Variants in PRR5L observed in about 807,000 individuals in gnomAD.
PRR5L encodes proline-rich protein 5-like.
Under a neutral mutation model 36.4 loss-of-function variants are expected in PRR5L, and 21 were observed. The observed-to-expected ratio is 0.58, with a 90% CI of 0.41 to 0.83. The LOEUF is 0.83. Among genes scored for constraint, PRR5L ranks in the 40% least tolerant of loss-of-function variants. The pLI, the probability that PRR5L is intolerant of heterozygous loss-of-function variation, is 0.00. For missense variants in PRR5L, 381 were observed against 473.3 expected (o/e 0.80, Z 1.81); for synonymous variants, 188 against 197.0 (o/e 0.95, Z 0.38).
Position 36,408,860 on chromosome 11 carries a change from A to T in PRR5L, c.245+5482A>T, listed in dbSNP as rs575390616. Among the ~76,000 whole-genome samples the T allele has an allele frequency of 1.5e-3, 229 of 152,342 alleles. 1 individual carries two copies. The highest frequency in any genetic ancestry group is 5.3e-3 in the African/African-American group (219 of 41,586). On this transcript the variant is annotated intron_variant, in intron 3 of 8. Coordinates refer to ENST00000530639, the MANE Select transcript of PRR5L (RefSeq NM_001160167.2). ...GAAGAACCTGCTTGCCAATGTTCTT[A>T]TAAGTGCTTTCAGTCTTTGAGTGTT... is the stretch of plus-strand genomic sequence containing the variant.
intron 1 of PRR5L, among the ~76,000 whole-genome samples, chr11:36,392,021 A>G (rs903351247): frequency 2.6e-5 from 4 of 152,192 alleles, no homozygotes; most frequent in Admixed American, 2.0e-4. Context: ...CCGTGAGTTC[A>G]ATCATTTTAA....
chr11:36,432,007 A>C, intron 5 of PRR5L, 97 bp downstream of exon 5: 1 of 1,051,850 alleles, frequency 9.5e-7, no homozygotes. Context: ...GGCAGGCTCC[A>C]AGCGAGTGAT....
At chr11:36,370,888 A>C (rs1210166310) in intron 1 of PRR5L, among the ~76,000 whole-genome samples, 1 of 151,566 alleles carries the variant, frequency 6.6e-6, no homozygotes, top group African/African-American at 2.4e-5. Flanking sequence ...CTCAAAAAAA[A>C]AAACAAACAA....
chr11:36,320,073 A>T (rs1856598081), intron 1 of PRR5L, among the ~76,000 whole-genome samples: 1 of 152,172 alleles, frequency 6.6e-6, no homozygotes, highest in Non-Finnish European at 1.5e-5. Context: ...TGCCCTGCAA[A>T]TGCAGTTCAT....
intron 1 of PRR5L, among the ~76,000 whole-genome samples, chr11:36,326,148 C>A (rs569117634): frequency 6.6e-6 from 1 of 152,084 alleles, no homozygotes; most frequent in South Asian, 2.1e-4. Context: ...TACCCATCAC[C>A]CAGCTTTAAT....
chr11:36,376,601 C>G (rs565654922), intron 1 of PRR5L: 16 of 990,110 alleles, frequency 1.6e-5, no homozygotes, highest in Non-Finnish European at 1.9e-5. Context: ...AGAAAACTTC[C>G]TCGGGAAGAC....
At chr11:36,443,051 G>A (rs780654974) in intron 6 of PRR5L, among the ~76,000 whole-genome samples, 18 of 152,096 alleles carry the variant, frequency 1.2e-4, no homozygotes, top group Admixed American at 1.3e-4. Flanking sequence ...TTGTTACAAC[G>A]GAATACCTGA....
intron 1 of PRR5L, among the ~76,000 whole-genome samples, chr11:36,310,649 C>G (rs764231514): frequency 5.3e-5 from 8 of 152,154 alleles, no homozygotes; most frequent in African/African-American, 9.7e-5. Context: ...TTCTCCCACA[C>G]AAGAGGAAAA....
Position 36,310,995 on chromosome 11 carries a change from C to CAAA in PRR5L, c.-126+14576_-126+14578dup, listed in dbSNP as rs59947428. On this transcript the variant is annotated intron_variant, in intron 1 of 8. Transcript: ENST00000530639. ...TGGTGACAGAGTGAGACTCCGTCTC[C>CAAA]AAAAAAAAAAAAAAAAAAAAAGAAT... 8.7e-3 allele frequency among the ~76,000 whole-genome samples: 768 copies of CAAA among 87,820 alleles called. 10 individuals carry two copies. The highest frequency in any genetic ancestry group is 0.018 in the East Asian group (54 of 2,938). The allele number at this position is 87,820 out of a possible 152,430, so 57.6% of individuals were successfully genotyped here. A position where few individuals can be genotyped will look rare whatever the true frequency, so the allele number is the denominator to read the frequency against.
At chr11:36,414,928 A>G (rs1317934619) in intron 3 of PRR5L, among the ~76,000 whole-genome samples, 1 of 140,070 alleles carries the variant, frequency 7.1e-6, no homozygotes, top group Admixed American at 7.1e-5. Context: ...CTTTCTACAT[A>G]TGGCTAGCCA....
Position 36,412,870 on chromosome 11 carries a change from T to C in PRR5L, c.246-6385T>C, listed in dbSNP as rs558587304. Among the ~76,000 whole-genome samples, 5 of 152,114 alleles carry C rather than the reference T, an allele frequency of 3.3e-5. No individual in the cohort carries two copies. In the South Asian group the frequency reaches 8.3e-4, roughly 25 times the overall value. On this transcript the variant is annotated intron_variant, in intron 3 of 8. Transcript: ENST00000530639. ...CCTTTTCTTCTAGCATCCAGAACCATGTCTAACACATAACATTATGTTTTC... is the reference window on the plus strand; with the variant it reads ...CCTTTTCTTCTAGCATCCAGAACCACGTCTAACACATAACATTATGTTTTC...
intron 7 of PRR5L, among the ~76,000 whole-genome samples, chr11:36,446,915 C>T (rs1169470707): frequency 6.6e-6 from 1 of 152,194 alleles, no homozygotes; most frequent in Admixed American, 6.5e-5. Flanking sequence ...CTACTTGTAT[C>T]TGGGCTACTT....
intron 1 of PRR5L, chr11:36,396,032 T>G (rs1287681141): frequency 6.6e-6 from 1 of 152,214 alleles, no homozygotes; most frequent in African/African-American, 2.4e-5. Flanking sequence ...GCCTGGCCTA[T>G]TATTATTATT....
In PRR5L at chr11:36,344,302, A is replaced by G. The variant is rs115763549; in HGVS notation, c.-126+47864A>G. 1.2e-3 allele frequency among the ~76,000 whole-genome samples: 182 copies of G among 152,330 alleles called. No individual in the cohort carries two copies. The highest frequency in any genetic ancestry group is 4.3e-3 in the African/African-American group (178 of 41,560). ...AGTCTAATTCCACTACTCACAGAAA[A>G]TCATGTTAAGTCTTGGTGTATTACT... On this transcript the variant is annotated intron_variant, in intron 1 of 8. Coordinates refer to ENST00000530639, the MANE Select transcript of PRR5L (RefSeq NM_001160167.2). The surrounding 1 kb of genome is among the most constrained non-coding windows in gnomAD (Gnocchi z 4.1).
rs574159514 is a variant in PRR5L at position 36,361,483 on chromosome 11, A to T, written c.-125-39514A>T. Among the ~76,000 whole-genome samples the T allele has an allele frequency of 1.3e-4, 20 of 152,350 alleles. No homozygotes were observed. In the South Asian group the frequency reaches 4.1e-3, roughly 32 times the overall value. ...TTTCTAATATGTTAAGTATCAACAG[A>T]TATAACTTATAAAAACAAAAGACTT... On this transcript the variant is annotated intron_variant, in intron 1 of 8. Coordinates refer to ENST00000530639, the MANE Select transcript of PRR5L (RefSeq NM_001160167.2).
intron 1 of PRR5L, among the ~76,000 whole-genome samples, chr11:36,336,302 C>T (rs945571131): frequency 1.3e-5 from 2 of 152,098 alleles, no homozygotes; most frequent in African/African-American, 4.8e-5. Context: ...GATCACAGCT[C>T]ACTTGCAACC....
At chr11:36,405,782 T>G (rs1160946999) in intron 3 of PRR5L, among the ~76,000 whole-genome samples, 2 of 152,324 alleles carry the variant, frequency 1.3e-5, no homozygotes, top group Middle Eastern at 3.4e-3. Flanking sequence ...GCCGGTCATT[T>G]ACATTCCTGG....
At chr11:36,445,376 G>A (rs994795298) in intron 6 of PRR5L, among the ~76,000 whole-genome samples, 1 of 152,168 alleles carries the variant, frequency 6.6e-6, no homozygotes, top group African/African-American at 2.4e-5. Context: ...GTTTGGGTTT[G>A]AAACCCTGCT....
intron 1 of PRR5L, among the ~76,000 whole-genome samples, chr11:36,366,707 T>C (rs1363919387): frequency 6.6e-6 from 1 of 152,200 alleles, no homozygotes; most frequent in Non-Finnish European, 1.5e-5. Flanking sequence ...GGATGTACCT[T>C]GTATTATGGT....
Sources: allele counts gnomAD v4.1 joint callset (sites outside exome capture counted in the v4.1 genomes callset), GRCh38; gene constraint gnomAD v4.1.1; non-coding constraint Gnocchi (gnomAD v3.1); transcripts MANE v1.5; gene names NCBI Gene and HGNC (gene_info 2026-07-23, HGNC 2026-07-21).